The following MTHFD2L variants were observed in gnomAD, a reference collection of about 807,000 sequenced individuals.
MTHFD2L encodes the protein bifunctional methylenetetrahydrofolate dehydrogenase/cyclohydrolase 2, mitochondrial.
MTHFD2L carries 29 observed loss-of-function variants against 34.9 expected under a neutral mutation model. That is an observed-to-expected ratio of 0.83 (90% CI 0.62 to 1.13). The LOEUF (loss-of-function observed/expected upper bound fraction) is 1.13. Among genes scored for constraint, MTHFD2L ranks in the 50% most tolerant of loss-of-function variants. The probability of loss-of-function intolerance (pLI) is 0.00; values close to 1 mark genes in which losing one functional copy is unlikely to be tolerated. For missense variants in MTHFD2L, 481 were observed against 446.5 expected (o/e 1.08, Z -0.70); for synonymous variants, 167 against 155.7 (o/e 1.07, Z -0.54).
intron 6 of MTHFD2L, among the ~76,000 whole-genome samples, chr4:74,257,059 C>T (rs530281024): frequency 1.3e-5 from 2 of 152,152 alleles, no homozygotes; most frequent in African/African-American, 4.8e-5. Flanking sequence ...GCAGTATGGC[C>T]CTTTTAATGA....
chr4:74,285,321 C>T (rs1402787724), intron 7 of MTHFD2L, among the ~76,000 whole-genome samples: 2 of 151,404 alleles, frequency 1.3e-5, no homozygotes, highest in Non-Finnish European at 2.9e-5. Flanking sequence ...GCACATGTAC[C>T]CTAAAACTTA....
intron 3 of MTHFD2L, among the ~76,000 whole-genome samples, chr4:74,176,605 A>G (rs895543722): frequency 6.6e-6 from 1 of 152,036 alleles, no homozygotes; most frequent in Non-Finnish European, 1.5e-5. Context: ...AAGAAGTGCT[A>G]TGACTGGTCA....
chr4:74,219,665 G>A (rs545885759), intron 5 of MTHFD2L, among the ~76,000 whole-genome samples: 30 of 152,256 alleles, frequency 2.0e-4, no homozygotes, highest in African/African-American at 5.1e-4. Context: ...GTGCTCACCA[G>A]CAAAGGTCAG....
At chr4:74,256,283 A>C (rs1744017891) in intron 6 of MTHFD2L, among the ~76,000 whole-genome samples, 2 of 151,818 alleles carry the variant, frequency 1.3e-5, no homozygotes, top group South Asian at 2.1e-4. Flanking sequence ...CTATTTTTAT[A>C]TATTTTTAAT....
At chr4:74,196,485 GA>G (rs1406028388) in intron 3 of MTHFD2L, among the ~76,000 whole-genome samples, 1 of 152,178 alleles carries the variant, frequency 6.6e-6, no homozygotes, top group Non-Finnish European at 1.5e-5. Flanking sequence ...TTACTATACG[GA>G]TGAGCTTGCA....
chr4:74,159,722 A>G (rs996010611), intron 1 of MTHFD2L, among the ~76,000 whole-genome samples: 21 of 152,364 alleles, frequency 1.4e-4, no homozygotes, highest in African/African-American at 5.1e-4. Context: ...TGACCTCTTT[A>G]TAATTTAAAA....
intron 1 of MTHFD2L, among the ~76,000 whole-genome samples, chr4:74,159,807 T>C (rs1281999830): frequency 1.3e-5 from 2 of 152,238 alleles, no homozygotes; most frequent in East Asian, 3.8e-4. Context: ...CCCGGCTGCT[T>C]TCAGTTCCAC....
intron 6 of MTHFD2L, among the ~76,000 whole-genome samples, chr4:74,269,979 A>G (rs539996706): frequency 6.6e-6 from 1 of 152,298 alleles, no homozygotes; most frequent in East Asian, 1.9e-4. Context: ...GCACAAAGAT[A>G]AAATAGAATT....
chr4:74,257,754 A>G (rs1744205973), intron 6 of MTHFD2L, among the ~76,000 whole-genome samples: 1 of 152,200 alleles, frequency 6.6e-6, no homozygotes, highest in South Asian at 2.1e-4. Flanking sequence ...ATGGGATTTT[A>G]TCAACTTGAA....
intron 5 of MTHFD2L, among the ~76,000 whole-genome samples, chr4:74,214,476 G>A (rs939296369): frequency 5.3e-5 from 8 of 151,742 alleles, no homozygotes; most frequent in African/African-American, 1.7e-4. Flanking sequence ...TCTGCTGCAG[G>A]TCTGCTGGAG....
intron 6 of MTHFD2L, among the ~76,000 whole-genome samples, chr4:74,240,997 A>G (rs1269423425): frequency 6.6e-6 from 1 of 152,064 alleles, no homozygotes; most frequent in Non-Finnish European, 1.5e-5. Flanking sequence ...TTAAAAAGAC[A>G]GGGGAGACTG....
At chr4:74,267,173 G>T in intron 6 of MTHFD2L, 1 of 985,042 alleles carries the variant, frequency 1.0e-6, no homozygotes, top group South Asian at 4.7e-5. Context: ...TGAATAACAT[G>T]ACAGTTGGTA....
intron 6 of MTHFD2L, among the ~76,000 whole-genome samples, chr4:74,271,386 T>C (rs1745960841): frequency 6.6e-6 from 1 of 152,250 alleles, no homozygotes; most frequent in East Asian, 1.9e-4. Context: ...GCTTTCTACA[T>C]ATGGCTAGCC....
chr4:74,268,328 A>G (rs950954572), intron 6 of MTHFD2L: 2 of 854,260 alleles, frequency 2.3e-6, no homozygotes, highest in African/African-American at 3.7e-5. Context: ...TATTATCTTT[A>G]TTTATGTAGT....
Position 74,285,772 on chromosome 4 carries a change from A to G in MTHFD2L, c.931+4222A>G, listed in dbSNP as rs1209394231. 2.0e-5 allele frequency among the ~76,000 whole-genome samples: 3 copies of G among 152,180 alleles called. No individual in the cohort carries two copies. The East Asian group carries it at 5.8e-4, about 29-fold the overall frequency. ...ATCTTTGTGGTCTTACACTACTGTG[A>G]AAACTGAGCACTGCTTGTATTTTTC... On this transcript the variant is annotated intron_variant, in intron 7 of 7. Coordinates refer to ENST00000325278, the MANE Select transcript of MTHFD2L (RefSeq NM_001144978.3).
At position 74,132,820 on chromosome 4, in the gene MTHFD2L, T is replaced by A. The variant is rs148162786; in HGVS notation, c.-297+7303T>A. ...TTTTATTATATCAGTTCGCATATTT[T>A]AAAAATATCTATTTTGAACAGGTTG... On this transcript the variant is annotated intron_variant, in intron 1 of 7. Transcript: ENST00000433372. Among the ~76,000 whole-genome samples the A allele has an allele frequency of 2.8e-3, 429 of 152,306 alleles. 1 individual carries two copies. Among genetic ancestry groups the A allele is most frequent in the African/African-American group, 1.0e-2 (415 of 41,580 alleles).
chr4:74,118,937 A>C (rs534011655), upstream of MTHFD2L, among the ~76,000 whole-genome samples: 3 of 152,278 alleles, frequency 2.0e-5, no homozygotes, highest in East Asian at 3.9e-4. Context: ...ATAAAGTCTA[A>C]TGCCTGATGA....
At chr4:74,269,243 A>G (rs1409018745) in intron 6 of MTHFD2L, among the ~76,000 whole-genome samples, 1 of 152,194 alleles carries the variant, frequency 6.6e-6, no homozygotes, top group Non-Finnish European at 1.5e-5. Flanking sequence ...ATAAGTTGAT[A>G]AAAGGATTAA....
intron 1 of MTHFD2L, among the ~76,000 whole-genome samples, chr4:74,141,372 G>C (rs968674822): frequency 2.0e-5 from 3 of 152,208 alleles, no homozygotes. Flanking sequence ...ACGAATGCTA[G>C]AGAAAGTCAG....
Sources: gnomAD v4.1 joint callset for allele counts (sites outside exome capture counted in the v4.1 genomes callset) on GRCh38, gnomAD v4.1.1 for gene constraint, MANE v1.5 for transcripts, NCBI Gene and HGNC (gene_info 2026-07-23, HGNC 2026-07-21) for gene names.